LUZP2: variants seen among roughly 807,000 people sequenced by gnomAD.
The protein encoded by LUZP2 is leucine zipper protein 2.
LUZP2 carries 52 observed loss-of-function variants against 51.6 expected under a neutral mutation model. The ratio of observed to expected loss-of-function variants is 1.01; its 90% CI spans 0.81 to 1.27. The LOEUF is 1.27. Among genes scored for constraint, LUZP2 ranks in the 50% most tolerant of loss-of-function variants. The probability of loss-of-function intolerance (pLI) is 0.00; values close to 1 mark genes in which losing one functional copy is unlikely to be tolerated. For missense variants in LUZP2, 436 were observed against 395.4 expected, an observed-to-expected ratio of 1.10 and a Z score of -0.87; for synonymous variants, 154 against 137.3, an observed-to-expected ratio of 1.12 and a Z score of -0.85.
chr11:24,908,775 A>G lies in LUZP2; in HGVS notation c.459+2722A>G, dbSNP rs562670679. 2.4e-5 allele frequency among the ~76,000 whole-genome samples: 3 copies of G among 123,876 alleles called. No individual in the cohort carries two copies. The East Asian group carries it at 7.0e-4, about 29-fold the overall frequency. The allele number at this position is 123,876 out of a possible 152,430, so 81.3% of individuals were successfully genotyped here. ...TTTTTTTTCTTTTTTTTTTTTTTTG[A>G]GACTGAGTCTCCCTCTGTTGCCCAG... On this transcript the variant is annotated intron_variant, in intron 6 of 11. Coordinates refer to ENST00000336930, the MANE Select transcript of LUZP2 (RefSeq NM_001009909.4).
chr11:24,720,301 G>A (rs1858215181), intron 1 of LUZP2, among the ~76,000 whole-genome samples: 1 of 152,002 alleles, frequency 6.6e-6, no homozygotes, highest in Non-Finnish European at 1.5e-5. Flanking sequence ...TAGATACCAA[G>A]CTTTACAAGA....
intron 1 of LUZP2, among the ~76,000 whole-genome samples, chr11:24,621,741 C>T (rs1193467932): frequency 2.6e-5 from 4 of 152,230 alleles, no homozygotes; most frequent in Middle Eastern, 3.4e-3. Flanking sequence ...TAGAGTGATG[C>T]GGTATCTGCT....
chr11:24,620,267 GC>G (rs1854449446), intron 1 of LUZP2, among the ~76,000 whole-genome samples: 1 of 150,960 alleles, frequency 6.6e-6, no homozygotes, highest in South Asian at 2.1e-4. Context: ...CATAAAAATT[GC>G]AATAAGAATT....
intron 9 of LUZP2, among the ~76,000 whole-genome samples, chr11:25,000,290 C>T (rs1172540357): frequency 6.6e-6 from 1 of 152,164 alleles, no homozygotes; most frequent in Non-Finnish European, 1.5e-5. Context: ...CCTCTCAATC[C>T]TCCCTCTAAA....
At chr11:24,596,742 A>C (rs912955830) in intron 1 of LUZP2, among the ~76,000 whole-genome samples, 1 of 152,192 alleles carries the variant, frequency 6.6e-6, no homozygotes, top group Non-Finnish European at 1.5e-5. Context: ...TAAAAAAACT[A>C]CAGTTCTTGG....
intron 1 of LUZP2, among the ~76,000 whole-genome samples, chr11:24,705,013 T>C (rs77134779): frequency 0.015 from 2,267 of 152,194 alleles, 52 homozygotes; most frequent in African/African-American, 0.05. Context: ...ATACACACAT[T>C]TACTTGAACA....
chr11:25,072,834 A>C (rs577583831), intron 10 of LUZP2, among the ~76,000 whole-genome samples: 4 of 150,158 alleles, frequency 2.7e-5, no homozygotes, highest in Admixed American at 6.6e-5. Flanking sequence ...ATATAAACAC[A>C]ATTTGGTGTC....
chr11:24,947,973 T>A (rs1315108459), intron 7 of LUZP2, among the ~76,000 whole-genome samples: 1 of 151,890 alleles, frequency 6.6e-6, no homozygotes, highest in East Asian at 1.9e-4. Flanking sequence ...AGATTGTTGA[T>A]CTTGTTGGAT....
At chr11:24,765,612 C>CT (rs1860156322) in intron 5 of LUZP2, among the ~76,000 whole-genome samples, 1 of 82,750 alleles carries the variant, frequency 1.2e-5, no homozygotes. Context: ...ATAATTTTTT[C>CT]CTTTTTTTTC....
intron 9 of LUZP2, among the ~76,000 whole-genome samples, chr11:25,039,165 G>A (rs1255457237): frequency 2.0e-5 from 3 of 152,142 alleles, no homozygotes; most frequent in Non-Finnish European, 4.4e-5. Flanking sequence ...GATCTTTCAG[G>A]TGTTGGGGCT....
At chr11:24,571,560 A>T (rs968028650) in intron 1 of LUZP2, among the ~76,000 whole-genome samples, 1 of 152,074 alleles carries the variant, frequency 6.6e-6, no homozygotes, top group Admixed American at 6.6e-5. Context: ...GTGTTCAAAA[A>T]GAAGAGTAAA....
At chr11:24,758,666 C>T (rs1463369968) in intron 4 of LUZP2, among the ~76,000 whole-genome samples, 2 of 151,880 alleles carry the variant, frequency 1.3e-5, no homozygotes, top group African/African-American at 4.8e-5. Context: ...CAAATTGGGG[C>T]AAATTTTGGA....
At chr11:24,931,841 T>G (rs1854465376) in intron 7 of LUZP2, among the ~76,000 whole-genome samples, 1 of 151,338 alleles carries the variant, frequency 6.6e-6, no homozygotes, top group South Asian at 2.1e-4. Flanking sequence ...ATTGTTTTCC[T>G]GTTTGTTTTT....
chr11:24,844,874 C>A (rs921107580), intron 5 of LUZP2, among the ~76,000 whole-genome samples: 1 of 152,212 alleles, frequency 6.6e-6, no homozygotes, highest in African/African-American at 2.4e-5. Flanking sequence ...GTTTGGGAAC[C>A]TCTGTCTACA....
intron 5 of LUZP2, among the ~76,000 whole-genome samples, chr11:24,770,803 G>T (rs77419188): frequency 2.6e-5 from 4 of 152,118 alleles, no homozygotes; most frequent in Non-Finnish European, 4.4e-5. Context: ...TTACAAAATC[G>T]TTTGAAGAGC....
intron 5 of LUZP2, among the ~76,000 whole-genome samples, chr11:24,870,037 G>C (rs1852012670): frequency 6.6e-6 from 1 of 152,092 alleles, no homozygotes; most frequent in African/African-American, 2.4e-5. Context: ...TTGCTGATAG[G>C]GAGAAATTTT....
At chr11:24,719,842 G>A (rs1161989291) in intron 1 of LUZP2, among the ~76,000 whole-genome samples, 2 of 152,172 alleles carry the variant, frequency 1.3e-5, no homozygotes, top group East Asian at 3.9e-4. Flanking sequence ...ACTGGTAGAT[G>A]ATCTGCTCTA....
chr11:25,077,662 A>G (rs1020311762), intron 11 of LUZP2, among the ~76,000 whole-genome samples: 2 of 151,018 alleles, frequency 1.3e-5, no homozygotes, highest in African/African-American at 2.4e-5. Context: ...ACCACGCCCA[A>G]ATTTTTTGTA....
At chr11:24,760,797 T>G (rs560107229) in intron 4 of LUZP2, among the ~76,000 whole-genome samples, 3 of 152,328 alleles carry the variant, frequency 2.0e-5, no homozygotes, top group Non-Finnish European at 4.4e-5. Context: ...GAAAGAGGAA[T>G]CCATGGATTT....
Sources: allele counts gnomAD v4.1 joint callset (sites outside exome capture counted in the v4.1 genomes callset), GRCh38; gene constraint gnomAD v4.1.1; transcripts MANE v1.5; gene names NCBI Gene and HGNC (gene_info 2026-07-23, HGNC 2026-07-21).